CADPS: variants seen among roughly 807,000 people sequenced by gnomAD.
The protein encoded by CADPS is calcium dependent secretion activator.
CADPS carries 57 observed loss-of-function variants against 167.3 expected under a neutral mutation model. The ratio of observed to expected loss-of-function variants is 0.34; its 90% CI spans 0.28 to 0.42. The LOEUF (loss-of-function observed/expected upper bound fraction) is 0.42, where lower values mean the gene tolerates loss of function less well. CADPS is among the 20% of genes least tolerant of loss of function. The pLI, the probability that CADPS is intolerant of heterozygous loss-of-function variation, is 1.00. For synonymous variants in CADPS, 676 were observed against 635.3 expected (o/e 1.06, Z -0.96); for missense variants, 1,414 against 1,738.1 (o/e 0.81, Z 3.32).
intron 28 of CADPS, among the ~76,000 whole-genome samples, chr3:62,414,994 CG>C (rs1265006997): frequency 2.0e-5 from 3 of 152,048 alleles, no homozygotes; most frequent in African/African-American, 7.2e-5. Context: ...TGGGCAAAAG[CG>C]GGACACAGAC....
At position 62,465,402 on chromosome 3, in the gene CADPS, C is replaced by T. The variant is rs902090459; in HGVS notation, c.3601G>A (p.Glu1201Lys). 6 of 1,609,964 alleles carry T rather than the reference C, an allele frequency of 3.7e-6. No individual in the cohort carries two copies. Among genetic ancestry groups the T allele is most frequent in the African/African-American group, 1.3e-5 (1 of 74,824 alleles). The change falls in exon 26 of 30, where the codon GAA becomes AAA. Residue 1201 changes from glutamate to lysine, a missense_variant. Around this residue, in one of 6 missense-constraint regions of CADPS, gnomAD observed 185 missense variants for 251.5 expected, o/e 0.74. Coordinates refer to ENST00000383710, the MANE Select transcript of CADPS (RefSeq NM_003716.4). The surrounding 1 kb of genome is among the most constrained non-coding windows in gnomAD (Gnocchi z 4.1). ...AGAAAAGAAGAAAACAAAGTCCCTT[C>T]GTCATATCTGGATAATTTTGCCAGC... Reference protein sequence around the residue: ...GVLAKLSRYDEGTLFSSFLSF... With the variant: ...GVLAKLSRYDKGTLFSSFLSF...
intron 13 of CADPS, among the ~76,000 whole-genome samples, chr3:62,529,946 A>C (rs888713705): frequency 6.6e-6 from 1 of 152,208 alleles, no homozygotes; most frequent in Non-Finnish European, 1.5e-5. Flanking sequence ...AGGGCACAGA[A>C]TAAAACTGGA....
At chr3:62,450,509 C>T (rs146934122) in intron 26 of CADPS, among the ~76,000 whole-genome samples, 1 of 152,324 alleles carries the variant, frequency 6.6e-6, no homozygotes, top group East Asian at 1.9e-4. Context: ...ACTGTGACTT[C>T]AGCAGAACTT....
intron 26 of CADPS, among the ~76,000 whole-genome samples, chr3:62,460,601 A>G (rs1489734051): frequency 2.6e-5 from 4 of 152,236 alleles, no homozygotes. Flanking sequence ...AGTGAATGTC[A>G]TTGATTCAGT....
At chr3:62,748,374 T>A (rs1355104153) in intron 3 of CADPS, among the ~76,000 whole-genome samples, 281 of 83,072 alleles carry the variant, frequency 3.4e-3, no homozygotes, top group East Asian at 0.012. Context: ...AAAAAAAAAA[T>A]TAAGATGTAG....
intron 6 of CADPS, among the ~76,000 whole-genome samples, chr3:62,643,395 C>T (rs910930311): frequency 6.6e-6 from 1 of 152,182 alleles, no homozygotes; most frequent in Non-Finnish European, 1.5e-5. Flanking sequence ...AATCAACCAA[C>T]CTACTGACTG....
chr3:62,596,766 T>G (rs1312578601), intron 6 of CADPS, among the ~76,000 whole-genome samples: 2 of 152,170 alleles, frequency 1.3e-5, no homozygotes, highest in African/African-American at 4.8e-5. Context: ...ACTTACTAAG[T>G]AACTGACCCT....
At chr3:62,637,740 G>C (rs182422651) in intron 6 of CADPS, among the ~76,000 whole-genome samples, 15 of 152,302 alleles carry the variant, frequency 9.8e-5, no homozygotes, top group African/African-American at 3.6e-4. Context: ...TGGATGAAAA[G>C]TACAGGCTTT....
chr3:62,686,107 A>G (rs2077988890), intron 3 of CADPS, among the ~76,000 whole-genome samples: 1 of 152,102 alleles, frequency 6.6e-6, no homozygotes, highest in Non-Finnish European at 1.5e-5. Context: ...AATATGTACG[A>G]TTATTATGTG....
intron 1 of CADPS, among the ~76,000 whole-genome samples, chr3:62,767,001 T>C (rs2087061383): frequency 2.0e-5 from 3 of 152,168 alleles, no homozygotes. Context: ...GCTGATTACA[T>C]GAATGAATGA....
chr3:62,733,464 A>C (rs1346819239), intron 3 of CADPS, among the ~76,000 whole-genome samples: 1 of 152,220 alleles, frequency 6.6e-6, no homozygotes, highest in African/African-American at 2.4e-5. Flanking sequence ...CCATTTTAAA[A>C]GTCTTAATAA....
At chr3:62,453,427 G>A (rs1223581141) in intron 26 of CADPS, among the ~76,000 whole-genome samples, 1 of 152,108 alleles carries the variant, frequency 6.6e-6, no homozygotes, top group Non-Finnish European at 1.5e-5. Flanking sequence ...TCTTTCTCAG[G>A]GTGACCTTCT....
intron 3 of CADPS, among the ~76,000 whole-genome samples, chr3:62,681,417 G>A (rs1563773704): frequency 6.6e-6 from 1 of 152,042 alleles, no homozygotes; most frequent in Non-Finnish European, 1.5e-5. Flanking sequence ...CTTAGAGACT[G>A]GCACAGGGCC....
intron 28 of CADPS, among the ~76,000 whole-genome samples, chr3:62,430,326 G>A (rs1300466183): frequency 6.6e-6 from 1 of 152,150 alleles, no homozygotes; most frequent in Non-Finnish European, 1.5e-5. Context: ...TGGGGGAAGA[G>A]GGGATTGACA....
chr3:62,494,770 TA>T (rs1341777599), intron 18 of CADPS, among the ~76,000 whole-genome samples: 1 of 149,782 alleles, frequency 6.7e-6, no homozygotes, highest in Admixed American at 6.8e-5. Context: ...GCCTCCTGAC[TA>T]GCTGGAATTA....
intron 7 of CADPS, among the ~76,000 whole-genome samples, chr3:62,591,020 A>G (rs2085886036): frequency 6.6e-6 from 1 of 151,696 alleles, no homozygotes. Flanking sequence ...ACGCCCGGCT[A>G]ATTTTTTTGG....
intron 3 of CADPS, among the ~76,000 whole-genome samples, chr3:62,687,734 A>ATTTTTTTTTTTTTTTTTT (rs201429638): frequency 2.3e-5 from 3 of 128,336 alleles, no homozygotes; most frequent in Admixed American, 8.0e-5. Context: ...TTCCCTTCGC[A>ATTTTTTTTTTTTTTTTTT]TTTTTTTTTT....
Position 62,465,549 on chromosome 3 carries a change from C to A in CADPS, c.3553-99G>T. The stretch of plus-strand genomic sequence containing the variant: ...CACCACATAAAGGCTGGGATCGAGC[C>A]CTCCGTTCATTTCTGCAGTCTATTA... On this transcript the variant is annotated intron_variant, in intron 25 of 29. Transcript: ENST00000383710. This position sits in a 1 kb window ranked among gnomAD's most constrained non-coding sequence, Gnocchi z 4.1. The A allele has an allele frequency of 1.3e-6, 1 of 748,310 alleles. No homozygotes were observed. The highest frequency in any genetic ancestry group is 2.3e-5 in the South Asian group (1 of 44,234). The allele number at this position is 748,310 out of a possible 1,614,324, so 46.4% of individuals were successfully genotyped here. A position where few individuals can be genotyped will look rare whatever the true frequency, so the allele number is the denominator to read the frequency against.
At chr3:62,873,097 A>C (rs147258809) in intron 1 of CADPS, among the ~76,000 whole-genome samples, 4 of 152,212 alleles carry the variant, frequency 2.6e-5, no homozygotes, top group Non-Finnish European at 5.9e-5. Context: ...GCCACAGATA[A>C]AGATGGAGAG....
Sources: allele counts gnomAD v4.1 joint callset (sites outside exome capture counted in the v4.1 genomes callset), GRCh38; gene constraint gnomAD v4.1.1; regional missense constraint gnomAD v4.1.1; non-coding constraint Gnocchi (gnomAD v3.1); transcripts MANE v1.5; gene names NCBI Gene and HGNC (gene_info 2026-07-23, HGNC 2026-07-21).